SMYD1: variants seen among roughly 807,000 people sequenced by gnomAD.
SMYD1 encodes the protein SET and MYND domain containing 1.
Under a neutral mutation model 54.0 loss-of-function variants are expected in SMYD1, and 49 were observed. The observed-to-expected ratio is 0.91, with a 90% CI of 0.72 to 1.15. The LOEUF (loss-of-function observed/expected upper bound fraction) is 1.15. Among genes scored for constraint, SMYD1 ranks in the 50% most tolerant of loss-of-function variants. The pLI, the probability that SMYD1 is intolerant of heterozygous loss-of-function variation, is 0.00. For synonymous variants in SMYD1, 269 were observed against 234.2 expected, an observed-to-expected ratio of 1.15 and a Z score of -1.36; for missense variants, 653 against 639.6, an observed-to-expected ratio of 1.02 and a Z score of -0.23.
chr2:88,068,923 G>A (rs929422525), intron 1 of SMYD1, among the ~76,000 whole-genome samples: 6 of 151,976 alleles, frequency 3.9e-5, no homozygotes, highest in African/African-American at 1.2e-4. Flanking sequence ...ATCCTTGATC[G>A]TGTCTACCTG....
In SMYD1 at chr2:88,091,090, C is replaced by A. The variant is rs746663101; in HGVS notation, c.607C>A (p.Leu203Met). ...VGVGIFPNLG[L>M]VNHDCWPNCT... ...CGTAGGCATCTTCCCCAACCTGGGC[C>A]TGGTGAACCATGACTGTTGGCCCAA... Residue 203 changes from leucine (L) to methionine (M), a missense_variant, in exon 4 of 10, where the codon CTG becomes ATG. Physicochemically the swap from Leu to Met is conservative, Grantham distance 15. Transcript: ENST00000419482. 2.5e-6 allele frequency: 4 copies of A among 1,614,088 alleles called. No individual in the cohort carries two copies. The African/African-American group carries it at 4.0e-5, about 16-fold the overall frequency.
At chr2:88,071,706 G>A (rs576551507) in intron 1 of SMYD1, among the ~76,000 whole-genome samples, 13 of 152,304 alleles carry the variant, frequency 8.5e-5, no homozygotes, top group African/African-American at 3.1e-4. Context: ...TTGGGGGCTG[G>A]AAGGGAGTGA....
In SMYD1 at chr2:88,106,456, G is replaced by C; in HGVS notation, c.1113G>C (p.Ser371=). The C allele has an allele frequency of 6.2e-7, 1 of 1,614,136 alleles. No homozygotes were observed. The highest frequency in any genetic ancestry group is 8.5e-7 in the Non-Finnish European group (1 of 1,180,010). ...LSYLQAFEEA[S]FYARRMVDGY... ...ACCTCCAGGCCTTTGAGGAGGCCTC[G>C]TTCTATGCCAGGAGGATGGTGGACG... Residue 371 remains serine, a synonymous_variant, in exon 8 of 10, where the codon TCG becomes TCC. Coordinates refer to ENST00000419482, the MANE Select transcript of SMYD1 (RefSeq NM_198274.4).
chr2:88,084,557 A>G (rs1674278236), intron 2 of SMYD1, 65 bp downstream of exon 2: 1 of 1,461,166 alleles, frequency 6.8e-7, no homozygotes, highest in Non-Finnish European at 9.3e-7. Flanking sequence ...GGTGGCAGTA[A>G]CAACATTCCC....
chr2:88,068,723 C>T (rs1297029460), intron 1 of SMYD1, among the ~76,000 whole-genome samples: 2 of 151,238 alleles, frequency 1.3e-5, no homozygotes, highest in Admixed American at 6.6e-5. Flanking sequence ...AACTTTAAAT[C>T]TATAGATACT....
chr2:88,107,251 C>T (rs150623957), intron 8 of SMYD1, among the ~76,000 whole-genome samples: 147 of 152,164 alleles, frequency 9.7e-4, no homozygotes, highest in Middle Eastern at 3.4e-3. Context: ...TGCCAATACC[C>T]TCTCTTGCTT....
At chr2:88,088,889 G>C (rs1674400637) in intron 3 of SMYD1, among the ~76,000 whole-genome samples, 1 of 152,186 alleles carries the variant, frequency 6.6e-6, no homozygotes, top group Non-Finnish European at 1.5e-5. Context: ...CGGTGGATGA[G>C]GAGGCTCAGG....
intron 1 of SMYD1, among the ~76,000 whole-genome samples, chr2:88,076,801 G>A: frequency 6.6e-6 from 1 of 152,180 alleles, no homozygotes; most frequent in East Asian, 1.9e-4. Context: ...GAGCTCAAGA[G>A]TTTGAGACCA....
chr2:88,096,711 TTGAC>T lies in SMYD1; in HGVS notation c.818_821del (p.Asp273AlafsTer10). ...AGGCAGCTGAAGAAGCAGTACTACT[TTGAC>T]TGCACATGTGAACACTGCCAGAAAA... On this transcript the variant is annotated frameshift_variant, in exon 6 of 10. Coordinates refer to ENST00000419482, the MANE Select transcript of SMYD1 (RefSeq NM_198274.4). LOFTEE classifies it high-confidence loss of function. The T allele has an allele frequency of 6.2e-7, 1 of 1,614,196 alleles. No homozygotes were observed. The highest frequency in any genetic ancestry group is 8.5e-7 in the Non-Finnish European group (1 of 1,180,024).
intron 3 of SMYD1, 27 bp downstream of exon 3, chr2:88,088,102 C>A: frequency 1.3e-6 from 2 of 1,582,126 alleles, no homozygotes; most frequent in Non-Finnish European, 1.7e-6. Flanking sequence ...CCTTCTCCAT[C>A]CTCCCTGTCT....
intron 5 of SMYD1, among the ~76,000 whole-genome samples, chr2:88,095,804 G>A (rs1296059709): frequency 1.3e-5 from 2 of 152,176 alleles, no homozygotes; most frequent in African/African-American, 4.8e-5. Context: ...CACCTGTTTG[G>A]CTCAGCTGGA....
intron 6 of SMYD1, 145 bp from the exon 7 acceptor site, chr2:88,102,913 G>T (rs1309850706): frequency 1.6e-6 from 1 of 623,158 alleles, no homozygotes; most frequent in Non-Finnish European, 2.9e-6. Flanking sequence ...ACAGGATCTT[G>T]GGTAGCATTT....
chr2:88,087,569 T>C (rs551908656), intron 2 of SMYD1, among the ~76,000 whole-genome samples: 9 of 152,170 alleles, frequency 5.9e-5, no homozygotes, highest in Admixed American at 3.9e-4. Flanking sequence ...CCAGCTCAAA[T>C]GTGCCTCCTC....
intron 1 of SMYD1, among the ~76,000 whole-genome samples, chr2:88,070,577 T>C (rs1171801288): frequency 6.6e-6 from 1 of 152,144 alleles, no homozygotes; most frequent in Non-Finnish European, 1.5e-5. Flanking sequence ...TGTTACATCT[T>C]CTCTATCCTG....
intron 1 of SMYD1, among the ~76,000 whole-genome samples, chr2:88,072,003 GAA>G (rs36012666): frequency 0.71 from 104,615 of 147,678 alleles, 37,660 homozygotes; most frequent in Middle Eastern, 0.79. Context: ...TTAACATTTG[GAA>G]AAAAAAAAAA....
In SMYD1 at chr2:88,108,541, C is replaced by A; in HGVS notation, c.1314+2C>A. The A allele has an allele frequency of 6.3e-7, 1 of 1,575,060 alleles. No homozygotes were observed. Among genetic ancestry groups the A allele is most frequent in the South Asian group, 1.2e-5 (1 of 84,604 alleles). ...CACCCCATCACTAAGGACTTAGAGGCAAGTAGCGTCTTGAGGCTGGTGTTC... is the reference window on the plus strand; with the variant it reads ...CACCCCATCACTAAGGACTTAGAGGAAAGTAGCGTCTTGAGGCTGGTGTTC... On this transcript the variant is annotated splice_donor_variant, in intron 9 of 9. Transcript: ENST00000419482. LOFTEE classifies it high-confidence loss of function.
chr2:88,088,176 GGCAGAAGCCCTGTCT>G, intron 3 of SMYD1, 101 bp downstream of exon 3: 1 of 1,286,722 alleles, frequency 7.8e-7, no homozygotes, highest in Non-Finnish European at 1.1e-6. Context: ...TGAACTAAGA[GGCAGAAGCCCTGTCT>G]GCCCTGGACC....
intron 2 of SMYD1, among the ~76,000 whole-genome samples, chr2:88,087,418 G>A (rs1026294882): frequency 6.6e-6 from 1 of 152,086 alleles, no homozygotes; most frequent in African/African-American, 2.4e-5. Flanking sequence ...CTTGCTCCCT[G>A]TGCTCCAGCC....
At chr2:88,075,877 A>C (rs1009437066) in intron 1 of SMYD1, among the ~76,000 whole-genome samples, 1 of 152,116 alleles carries the variant, frequency 6.6e-6, no homozygotes, top group Non-Finnish European at 1.5e-5. Context: ...TTTAATAGTC[A>C]GTGCAAACAT....
Sources: allele counts gnomAD v4.1 joint callset (sites outside exome capture counted in the v4.1 genomes callset), GRCh38; gene constraint gnomAD v4.1.1; transcripts MANE v1.5; gene names NCBI Gene and HGNC (gene_info 2026-07-23, HGNC 2026-07-21).